Variants in PID1 observed in about 807,000 individuals in gnomAD.
PID1 encodes the protein phosphotyrosine interaction domain containing 1.
In PID1, 10 loss-of-function variants were observed where a neutral mutation model predicts 19.1. The observed-to-expected ratio is 0.52, with a 90% confidence interval of 0.32 to 0.89. The LOEUF is 0.89. PID1 is among the 40% of genes least tolerant of loss of function. The pLI, the probability that PID1 is intolerant of heterozygous loss-of-function variation, is 0.03. For synonymous variants in PID1, 130 were observed against 116.0 expected (o/e 1.12, Z -0.78); for missense variants, 248 against 285.3 (o/e 0.87, Z 0.94).
intron 1 of PID1, among the ~76,000 whole-genome samples, chr2:229,192,406 C>T (rs983938051): frequency 4.6e-5 from 7 of 152,202 alleles, no homozygotes; most frequent in East Asian, 1.9e-4. Context: ...CAAGAGTATC[C>T]GGATAAATTG....
chr2:229,035,504 ATATGTGTGTG>A (rs1448050989), intron 2 of PID1, among the ~76,000 whole-genome samples: 43 of 104,302 alleles, frequency 4.1e-4, no homozygotes, highest in African/African-American at 1.5e-3. Flanking sequence ...CCAATCATTT[ATATGTGTGTG>A]TGTGTGTGTG....
At chr2:229,195,727 A>C (rs765529491) in intron 1 of PID1, among the ~76,000 whole-genome samples, 2 of 152,044 alleles carry the variant, frequency 1.3e-5, no homozygotes, top group Admixed American at 6.6e-5. Flanking sequence ...TTCATGGTTT[A>C]CTAAATCAGT....
intron 2 of PID1, among the ~76,000 whole-genome samples, chr2:229,071,959 A>G (rs2106202773): frequency 6.6e-6 from 1 of 152,348 alleles, no homozygotes; most frequent in Middle Eastern, 3.4e-3. Context: ...TAACAGACAT[A>G]ATATAGAAAT....
chr2:229,125,141 G>C (rs966325745), intron 2 of PID1, among the ~76,000 whole-genome samples: 1 of 152,106 alleles, frequency 6.6e-6, no homozygotes, highest in Non-Finnish European at 1.5e-5. Context: ...GAGCAAAAAT[G>C]ATGTGTGTCT....
chr2:229,227,805 T>C (rs1274350283), intron 1 of PID1, among the ~76,000 whole-genome samples: 2 of 152,218 alleles, frequency 1.3e-5, no homozygotes, highest in African/African-American at 4.8e-5. Flanking sequence ...AGGTACAGAC[T>C]TTTTTCTTGT....
intron 2 of PID1, among the ~76,000 whole-genome samples, chr2:229,081,632 C>T (rs1372211043): frequency 6.6e-6 from 1 of 152,160 alleles, no homozygotes; most frequent in Admixed American, 6.5e-5. Flanking sequence ...CAATATGAGA[C>T]GCTCTAAGCT....
intron 1 of PID1, among the ~76,000 whole-genome samples, chr2:229,222,184 C>T (rs750151654): frequency 2.7e-4 from 41 of 152,174 alleles, no homozygotes; most frequent in Non-Finnish European, 5.1e-4. Flanking sequence ...AACTTCTATT[C>T]AACCTGATCT....
chr2:229,036,201 G>A (rs2106169696), intron 2 of PID1, among the ~76,000 whole-genome samples: 1 of 152,202 alleles, frequency 6.6e-6, no homozygotes, highest in South Asian at 2.1e-4. Context: ...CTCAATAAAG[G>A]CAGTTGAAAC....
intron 2 of PID1, among the ~76,000 whole-genome samples, chr2:229,147,767 C>G (rs1199273093): frequency 6.6e-6 from 1 of 152,084 alleles, no homozygotes. Context: ...TTTTTAAAAT[C>G]AAGAAGTAGA....
rs200111692 is a variant in PID1 at position 229,188,754 on chromosome 2, A to G, written c.31-32790T>C. ...AACTCCACCTCAAAAAAAAAAAAAAAAGAGAGAGAGAGAAGGAAGGTAACA... is the reference window on the plus strand; with the variant it reads ...AACTCCACCTCAAAAAAAAAAAAAAGAGAGAGAGAGAGAAGGAAGGTAACA... On this transcript the variant is annotated intron_variant, in intron 1 of 2. Coordinates refer to ENST00000392055, the MANE Select transcript of PID1 (RefSeq NM_001100818.2). Among the ~76,000 whole-genome samples the G allele has an allele frequency of 4.2e-3, 637 of 150,410 alleles. 10 individuals are homozygous for G. Among genetic ancestry groups the G allele is most frequent in the African/African-American group, 0.014 (589 of 40,716 alleles).
intron 2 of PID1, among the ~76,000 whole-genome samples, chr2:229,146,377 T>G (rs986288038): frequency 1.3e-5 from 2 of 152,140 alleles, no homozygotes; most frequent in Admixed American, 1.3e-4. Context: ...ACCTAATGCA[T>G]GCAGGGCTTA....
chr2:229,137,023 T>C (rs538702895), intron 2 of PID1, among the ~76,000 whole-genome samples: 7 of 152,356 alleles, frequency 4.6e-5, no homozygotes, highest in Admixed American at 6.5e-5. Context: ...TTGCTCATCA[T>C]AATGCGGGAG....
chr2:229,088,803 C>T lies in PID1; in HGVS notation c.178-62695G>A, dbSNP rs543617061. Among the ~76,000 whole-genome samples, 28 of 152,114 alleles carry T rather than the reference C, an allele frequency of 1.8e-4. No individual in the cohort carries two copies. In the South Asian group the frequency reaches 5.2e-3, roughly 28 times the overall value. Reference sequence around the variant, plus strand: ...GCTCTGCTGAGTAATTATCAAAAGCCGGTTCACTACTTTCCATGAATACTG... The same window carrying T: ...GCTCTGCTGAGTAATTATCAAAAGCTGGTTCACTACTTTCCATGAATACTG... On this transcript the variant is annotated intron_variant, in intron 2 of 2. Coordinates refer to ENST00000392055, the MANE Select transcript of PID1 (RefSeq NM_001100818.2).
Position 229,262,450 on chromosome 2 carries a change from T to C in PID1, c.30+8564A>G, listed in dbSNP as rs1249441317. Among the ~76,000 whole-genome samples the C allele has an allele frequency of 2.6e-5, 4 of 152,204 alleles. No individual in the cohort carries two copies. The East Asian group carries it at 7.7e-4, about 29-fold the overall frequency. ...CTTAGTTGTTTGCTGTTTTCATTTT[T>C]TTTTTAATCCACAGTAGATAAACTC... On this transcript the variant is annotated intron_variant, in intron 1 of 2. Transcript: ENST00000392055.
intron 1 of PID1, among the ~76,000 whole-genome samples, chr2:229,209,630 T>C (rs1291593185): frequency 6.6e-6 from 1 of 152,200 alleles, no homozygotes; most frequent in Non-Finnish European, 1.5e-5. Context: ...TGATCATGTT[T>C]TGTCCATTTC....
intron 1 of PID1, among the ~76,000 whole-genome samples, chr2:229,199,320 A>T (rs1463987587): frequency 3.9e-5 from 6 of 152,126 alleles, no homozygotes; most frequent in African/African-American, 1.4e-4. Flanking sequence ...ACTATATTAT[A>T]TTACGTGGTA....
At chr2:229,161,181 T>C (rs115018954) in intron 1 of PID1, among the ~76,000 whole-genome samples, 1 of 152,202 alleles carries the variant, frequency 6.6e-6, no homozygotes, top group African/African-American at 2.4e-5. Flanking sequence ...GAGATGGGCA[T>C]GCAGGGTTGT....
rs532425994 is a variant in PID1 at position 229,238,271 on chromosome 2, A to G, written c.30+32743T>C. Among the ~76,000 whole-genome samples the G allele has an allele frequency of 6.6e-5, 10 of 152,292 alleles. No individual in the cohort carries two copies. In the East Asian group the frequency reaches 1.7e-3, roughly 26 times the overall value. ...GTTGGAGACCATAACTCAGTGGGAT[A>G]AAGACTTCATTCGAGCATGAATTGC... On this transcript the variant is annotated intron_variant, in intron 1 of 2. Coordinates refer to ENST00000392055, the MANE Select transcript of PID1 (RefSeq NM_001100818.2).
intron 1 of PID1, among the ~76,000 whole-genome samples, chr2:229,231,541 C>T (rs1692205537): frequency 6.6e-6 from 1 of 152,018 alleles, no homozygotes; most frequent in Admixed American, 6.6e-5. Context: ...GTACTATCAG[C>T]CCCATTTTAC....
Sources: allele counts gnomAD v4.1 joint callset (sites outside exome capture counted in the v4.1 genomes callset), GRCh38; gene constraint gnomAD v4.1.1; transcripts MANE v1.5; gene names NCBI Gene and HGNC (gene_info 2026-07-23, HGNC 2026-07-21).